Variants in MEIS1 observed in about 807,000 individuals in gnomAD.
MEIS1 encodes the protein Meis homeobox 1.
Under a neutral mutation model 50.8 loss-of-function variants are expected in MEIS1, and 5 were observed. That is an observed-to-expected ratio of 0.10 (90% confidence interval 0.05 to 0.21). MEIS1 has a LOEUF of 0.21. MEIS1 is among the 10% of genes least tolerant of loss of function. The pLI is 1.00. For missense variants in MEIS1, 318 were observed against 517.3 expected (o/e 0.61, Z 3.74); for synonymous variants, 176 against 179.3 (o/e 0.98, Z 0.15).
chr2:66,441,439 G>A lies in MEIS1; in HGVS notation c.458G>A (p.Arg153Lys). ...ATGATTCAAGCCATACAAGTATTAA[G>A]GTTTCATCTATTGGAATTAGAGAAG... is the stretch of plus-strand genomic sequence containing the variant. Reference protein sequence around the residue: ...NLMIQAIQVLRFHLLELEKVH... With the variant: ...NLMIQAIQVLKFHLLELEKVH... Residue 153 changes from arginine to lysine, a missense_variant, in exon 5 of 13, where the codon AGG becomes AAG. Physicochemically the swap from Arg to Lys is conservative, Grantham distance 26. This residue lies in a region of MEIS1 where 75 missense variants were observed against 153.7 expected (regional missense o/e 0.49). Coordinates refer to ENST00000272369, the MANE Select transcript of MEIS1 (RefSeq NM_002398.3). 1.9e-6 allele frequency: 3 copies of A among 1,552,512 alleles called. No individual in the cohort carries two copies. The highest frequency in any genetic ancestry group is 2.6e-6 in the Non-Finnish European group (3 of 1,150,426).
chr2:66,443,206 T>C, intron 6 of MEIS1, 158 bp downstream of exon 6: 1 of 785,810 alleles, frequency 1.3e-6, no homozygotes, highest in Non-Finnish European at 1.9e-6. Context: ...ATGTGGCTAT[T>C]ATTGCTTCAT....
At position 66,435,634 on chromosome 2, in the gene MEIS1, G is replaced by C. The variant is rs1044960048; in HGVS notation, c.-223G>C. 7.2e-6 allele frequency: 3 copies of C among 415,650 alleles called. No individual in the cohort carries two copies. Among genetic ancestry groups the C allele is most frequent in the African/African-American group, 4.1e-5 (2 of 48,334 alleles). The allele number at this position is 415,650 out of a possible 1,614,324, so 25.7% of individuals were successfully genotyped here. On this transcript the variant is annotated 5_prime_UTR_variant, in exon 1 of 13. Coordinates refer to ENST00000272369, the MANE Select transcript of MEIS1 (RefSeq NM_002398.3). ...TGCCCCCGCTGCTGTCTTGGAAACGGAGCGCTTTTATGCTCAGTGACTCGG... is the reference window on the plus strand; with the variant it reads ...TGCCCCCGCTGCTGTCTTGGAAACGCAGCGCTTTTATGCTCAGTGACTCGG...
chr2:66,519,231 C>T (rs563926603), intron 8 of MEIS1, among the ~76,000 whole-genome samples: 1 of 152,248 alleles, frequency 6.6e-6, no homozygotes, highest in South Asian at 2.1e-4. Flanking sequence ...GCTCAGCTCA[C>T]AAAACACTCT....
chr2:66,446,151 A>T (rs1672138978), intron 6 of MEIS1, among the ~76,000 whole-genome samples: 1 of 152,036 alleles, frequency 6.6e-6, no homozygotes, highest in Admixed American at 6.5e-5. Flanking sequence ...CGTCGAGGCG[A>T]GGGTTGAGCC....
At chr2:66,508,717 C>T (rs980404657) in intron 7 of MEIS1, among the ~76,000 whole-genome samples, 3 of 152,242 alleles carry the variant, frequency 2.0e-5, no homozygotes, top group African/African-American at 7.2e-5. Context: ...AACGCCACAA[C>T]GTTGCTTGCA....
chr2:66,518,058 CTG>C (rs1004645687), intron 8 of MEIS1, among the ~76,000 whole-genome samples: 1 of 152,192 alleles, frequency 6.6e-6, no homozygotes, highest in African/African-American at 2.4e-5. Context: ...CCAGCCTTCT[CTG>C]TACCTCCTTC....
intron 6 of MEIS1, among the ~76,000 whole-genome samples, chr2:66,460,717 AT>A (rs761055240): frequency 1.3e-5 from 2 of 151,154 alleles, no homozygotes; most frequent in African/African-American, 2.4e-5. Flanking sequence ...CCAGCAAAAG[AT>A]TTTTTTTTCC....
intron 7 of MEIS1, among the ~76,000 whole-genome samples, chr2:66,469,138 A>G (rs1672709673): frequency 6.6e-6 from 1 of 152,086 alleles, no homozygotes; most frequent in Non-Finnish European, 1.5e-5. Context: ...TCTAAAACCC[A>G]CTTATGAACT....
chr2:66,459,686 G>C (rs1430305535), intron 6 of MEIS1, among the ~76,000 whole-genome samples: 1 of 152,096 alleles, frequency 6.6e-6, no homozygotes, highest in African/African-American at 2.4e-5. Flanking sequence ...TGAATGGGGA[G>C]GTGGAGAGAG....
At chr2:66,556,806 C>G (rs1266689144) in intron 9 of MEIS1, among the ~76,000 whole-genome samples, 3 of 145,482 alleles carry the variant, frequency 2.1e-5, no homozygotes, top group African/African-American at 7.6e-5. Context: ...TGAACATGTA[C>G]AAAAAGATAT....
chr2:66,491,276 A>G (rs1198783378), intron 7 of MEIS1, among the ~76,000 whole-genome samples: 1 of 152,198 alleles, frequency 6.6e-6, no homozygotes, highest in Non-Finnish European at 1.5e-5. Flanking sequence ...TGTTTCTCAC[A>G]TTGGCCCTTT....
intron 6 of MEIS1, among the ~76,000 whole-genome samples, chr2:66,444,102 C>T (rs973861290): frequency 1.3e-5 from 2 of 152,054 alleles, no homozygotes; most frequent in African/African-American, 4.8e-5. Context: ...AAACAGGGCT[C>T]AGAACAGTTC....
rs567489128 is a variant in MEIS1 at position 66,561,918 on chromosome 2, T to C, written c.966-5535T>C. Among the ~76,000 whole-genome samples, 5 of 152,214 alleles carry C rather than the reference T, an allele frequency of 3.3e-5. No individual in the cohort carries two copies. In the South Asian group the frequency reaches 1.0e-3, roughly 32 times the overall value. On this transcript the variant is annotated intron_variant, in intron 9 of 12. Transcript: ENST00000272369. Reference sequence around the variant, plus strand: ...GTGGTTTACCAAGTTGGCTGTGGCATGCTAACATAACCAAATGTGGGCTTC... The same window carrying C: ...GTGGTTTACCAAGTTGGCTGTGGCACGCTAACATAACCAAATGTGGGCTTC...
rs573525324 is a variant in MEIS1 at position 66,514,015 on chromosome 2, T to A, written c.888+1721T>A. 3.4e-4 allele frequency among the ~76,000 whole-genome samples: 52 copies of A among 152,350 alleles called. No individual in the cohort carries two copies. In the South Asian group the frequency reaches 0.01, roughly 30 times the overall value. On this transcript the variant is annotated intron_variant, in intron 8 of 12. Transcript: ENST00000272369. The stretch of plus-strand genomic sequence containing the variant: ...GATGCTAATATTTTATCTCCAGAAA[T>A]AACCAGCTAACTCGCTGTGTGGAAT...
intron 6 of MEIS1, among the ~76,000 whole-genome samples, chr2:66,461,109 C>T (rs1672508358): frequency 6.6e-6 from 1 of 152,116 alleles, no homozygotes; most frequent in Admixed American, 6.5e-5. Flanking sequence ...TATCTAATGC[C>T]ATGCATTCTT....
intron 6 of MEIS1, among the ~76,000 whole-genome samples, chr2:66,458,326 C>CA (rs1447589745): frequency 2.0e-5 from 3 of 152,190 alleles, no homozygotes; most frequent in African/African-American, 7.2e-5. Flanking sequence ...CTGTAAAAAT[C>CA]ATGTTATTCC....
At chr2:66,436,873 T>TC in intron 1 of MEIS1, 3 of 593,622 alleles carry the variant, frequency 5.1e-6, no homozygotes, top group Non-Finnish European at 5.6e-6. Flanking sequence ...ATGAAAGTAG[T>TC]TTTTTTTTTT....
At chr2:66,521,356 G>C (rs1379427145) in intron 8 of MEIS1, among the ~76,000 whole-genome samples, 1 of 110,404 alleles carries the variant, frequency 9.1e-6, no homozygotes, top group African/African-American at 3.3e-5. Context: ...TTAGCTCCTT[G>C]AAGATTTTTT....
At position 66,507,313 on chromosome 2, in the gene MEIS1, T is replaced by TA. The variant is rs200591931; in HGVS notation, c.743-4833dup. On this transcript the variant is annotated intron_variant, in intron 7 of 12. Coordinates refer to ENST00000272369, the MANE Select transcript of MEIS1 (RefSeq NM_002398.3). Reference sequence around the variant, plus strand: ...ACTGGAAGAGGAGAAAAGTAAAGTTTAAAGAGAGGATATGGCCCAAAACTG... The same window carrying TA: ...ACTGGAAGAGGAGAAAAGTAAAGTTTAAAAGAGAGGATATGGCCCAAAACTG... 9.6e-3 allele frequency among the ~76,000 whole-genome samples: 1,464 copies of TA among 152,210 alleles called. 14 individuals carry two copies. Among genetic ancestry groups the TA allele is most frequent in the South Asian group, 0.049 (237 of 4,806 alleles).
Sources: gnomAD v4.1 joint callset for allele counts (sites outside exome capture counted in the v4.1 genomes callset) on GRCh38, gnomAD v4.1.1 for gene constraint, gnomAD v4.1.1 regional missense constraint, MANE v1.5 for transcripts, NCBI Gene and HGNC (gene_info 2026-07-23, HGNC 2026-07-21) for gene names.